The following LARGE1 variants were observed in gnomAD, a reference collection of about 807,000 sequenced individuals.
LARGE1 encodes xylosyl- and glucuronyltransferase LARGE1.
In LARGE1, 43 loss-of-function variants were observed where a neutral mutation model predicts 87.6. The ratio of observed to expected loss-of-function variants is 0.49; its 90% CI spans 0.38 to 0.63. LARGE1 has a LOEUF of 0.63. Among genes scored for constraint, LARGE1 ranks in the 30% least tolerant of loss-of-function variants. LARGE1 has a pLI of 0.00. For synonymous variants in LARGE1, 434 were observed against 394.6 expected (o/e 1.10, Z -1.18); for missense variants, 802 against 1,000.2 (o/e 0.80, Z 2.67).
chr22:33,560,336 C>G (rs1451193625), intron 6 of LARGE1, among the ~76,000 whole-genome samples: 1 of 152,280 alleles, frequency 6.6e-6, no homozygotes, highest in Middle Eastern at 3.4e-3. Flanking sequence ...CTGAATGATA[C>G]CCAGTGGCAT....
intron 6 of LARGE1, among the ~76,000 whole-genome samples, chr22:33,557,799 T>C: frequency 6.6e-6 from 1 of 152,188 alleles, no homozygotes; most frequent in Non-Finnish European, 1.5e-5. Flanking sequence ...ACTCCTGACC[T>C]CAGGTGATCC....
chr22:33,347,976 T>C (rs1023177318), intron 9 of LARGE1, among the ~76,000 whole-genome samples: 10 of 151,996 alleles, frequency 6.6e-5, no homozygotes, highest in Non-Finnish European at 1.0e-4. Context: ...AGAACCTCTA[T>C]GGGGGAAGGA....
At chr22:33,540,032 G>T (rs1374897474) in intron 6 of LARGE1, among the ~76,000 whole-genome samples, 1 of 152,174 alleles carries the variant, frequency 6.6e-6, no homozygotes, top group Non-Finnish European at 1.5e-5. Context: ...GTGGCCTGGT[G>T]CACGGGGGCC....
the LARGE1 span, among the ~76,000 whole-genome samples, chr22:33,089,754 C>A: frequency 1.7e-5 from 2 of 114,600 alleles, no homozygotes; most frequent in Non-Finnish European, 3.4e-5. Context: ...GCCTTGGTCT[C>A]CCAAATGCTG....
At chr22:33,472,495 G>C (rs2068888107) in intron 6 of LARGE1, among the ~76,000 whole-genome samples, 1 of 152,120 alleles carries the variant, frequency 6.6e-6, no homozygotes, top group Non-Finnish European at 1.5e-5. Flanking sequence ...ACCTCTGCAG[G>C]TGTTTTTTGT....
At chr22:33,918,344 C>T (rs1434218498) in intron 1 of LARGE1, among the ~76,000 whole-genome samples, 1 of 152,158 alleles carries the variant, frequency 6.6e-6, no homozygotes, top group Non-Finnish European at 1.5e-5. Flanking sequence ...ACCTCTCTCT[C>T]CTGCCAGGGG....
chr22:33,604,377 A>T, intron 5 of LARGE1, 58 bp downstream of exon 5: 1 of 1,611,280 alleles, frequency 6.2e-7, no homozygotes, highest in Non-Finnish European at 8.5e-7. Flanking sequence ...GCTCAACCAC[A>T]AGTAATAACG....
intron 7 of LARGE1, among the ~76,000 whole-genome samples, chr22:33,393,059 A>G (rs1253858270): frequency 6.6e-6 from 1 of 152,214 alleles, no homozygotes; most frequent in Non-Finnish European, 1.5e-5. Flanking sequence ...ATAATAAAGG[A>G]AAGAAAATCC....
At chr22:33,749,972 G>A (rs772079559) in intron 2 of LARGE1, among the ~76,000 whole-genome samples, 2 of 152,250 alleles carry the variant, frequency 1.3e-5, no homozygotes, top group Admixed American at 6.5e-5. Flanking sequence ...ACGGTACAAC[G>A]TCCCTGAGCC....
intron 2 of LARGE1, among the ~76,000 whole-genome samples, chr22:33,672,168 TC>T (rs1157634382): frequency 2.0e-5 from 3 of 152,130 alleles, no homozygotes; most frequent in Non-Finnish European, 4.4e-5. Context: ...ATAAAGCCTG[TC>T]CCAGATAAGC....
chr22:33,565,524 AG>A (rs2077996586), intron 5 of LARGE1, among the ~76,000 whole-genome samples: 2 of 152,224 alleles, frequency 1.3e-5, no homozygotes, highest in African/African-American at 4.8e-5. Flanking sequence ...GTAATTGAAT[AG>A]ATTACTACTG....
rs368926075 is a variant in LARGE1 at position 33,606,423 on chromosome 22, A to G, written c.492-1865T>C. Among the ~76,000 whole-genome samples the G allele has an allele frequency of 7.3e-5, 7 of 96,490 alleles. No homozygotes were observed. The South Asian group carries it at 1.8e-3, about 25-fold the overall frequency. 63.3% of individuals were successfully genotyped at this position (96,490 alleles called of 152,430 possible). On this transcript the variant is annotated intron_variant, in intron 4 of 14. Coordinates refer to ENST00000397394, the MANE Select transcript of LARGE1 (RefSeq NM_133642.5). Reference sequence around the variant, plus strand: ...CCATCACAAAATAAATAAATAAAATAAAATGAAATAAAATAAAATAAAATA... The same window carrying G: ...CCATCACAAAATAAATAAATAAAATGAAATGAAATAAAATAAAATAAAATA...
chr22:33,584,212 T>C (rs2148885329), intron 5 of LARGE1, among the ~76,000 whole-genome samples: 1 of 152,294 alleles, frequency 6.6e-6, no homozygotes, highest in African/African-American at 2.4e-5. Flanking sequence ...AAAAGTATTC[T>C]CTTCTTTGGG....
At chr22:33,679,237 G>A (rs566814764) in intron 2 of LARGE1, among the ~76,000 whole-genome samples, 1 of 152,128 alleles carries the variant, frequency 6.6e-6, no homozygotes, top group Non-Finnish European at 1.5e-5. Context: ...TCACCTATGT[G>A]CCAGACACTT....
chr22:33,761,158 A>G lies in LARGE1; in HGVS notation c.106+213T>C, dbSNP rs117045836. ...TTTCTGTACCCACCACACTCCCACT[A>G]CATCAAGGTATGCCTTATTTTGCTT... On this transcript the variant is annotated intron_variant, in intron 2 of 14. Transcript: ENST00000397394. 5.6e-3 allele frequency among the ~76,000 whole-genome samples: 853 copies of G among 151,950 alleles called. 10 individuals carry two copies. Among genetic ancestry groups the G allele is most frequent in the African/African-American group, 0.019 (804 of 41,462 alleles).
rs184828612 is a variant in LARGE1 at position 33,808,457 on chromosome 22, C to T, written c.-82-46899G>A. 3.9e-4 allele frequency among the ~76,000 whole-genome samples: 59 copies of T among 151,910 alleles called. No individual in the cohort carries two copies. In the East Asian group the frequency reaches 0.011, roughly 28 times the overall value. Reference sequence around the variant, plus strand: ...AGAACACAAAAGCAGCCCCTCCCTGCCCCTACCACCAAGGTGCTTGGCACA... The same window carrying T: ...AGAACACAAAAGCAGCCCCTCCCTGTCCCTACCACCAAGGTGCTTGGCACA... On this transcript the variant is annotated intron_variant, in intron 1 of 14. Coordinates refer to ENST00000397394, the MANE Select transcript of LARGE1 (RefSeq NM_133642.5).
chr22:33,471,936 G>A (rs1366137998), intron 6 of LARGE1, among the ~76,000 whole-genome samples: 2 of 152,154 alleles, frequency 1.3e-5, no homozygotes, highest in Non-Finnish European at 2.9e-5. Flanking sequence ...TGTAATCCTA[G>A]CTACTCGGGA....
the LARGE1 span, among the ~76,000 whole-genome samples, chr22:33,103,034 C>T: frequency 6.6e-6 from 1 of 152,100 alleles, no homozygotes; most frequent in Non-Finnish European, 1.5e-5. Context: ...GGCCCCTGCC[C>T]CCCGCCCCGC....
chr22:33,399,728 T>C (rs1234097350), intron 7 of LARGE1, among the ~76,000 whole-genome samples: 1 of 152,144 alleles, frequency 6.6e-6, no homozygotes, highest in Non-Finnish European at 1.5e-5. Flanking sequence ...TTTTGTATTT[T>C]TAGTAGAGAT....
Sources: allele counts gnomAD v4.1 joint callset (sites outside exome capture counted in the v4.1 genomes callset), GRCh38; gene constraint gnomAD v4.1.1; transcripts MANE v1.5; gene names NCBI Gene and HGNC (gene_info 2026-07-23, HGNC 2026-07-21).